Variants in RPS6KA2 observed in about 807,000 individuals in gnomAD.
The protein encoded by RPS6KA2 is ribosomal protein S6 kinase alpha-2.
Under a neutral mutation model 91.8 loss-of-function variants are expected in RPS6KA2, and 42 were observed. The observed-to-expected ratio is 0.46, with a 90% confidence interval of 0.36 to 0.59. RPS6KA2 has a LOEUF of 0.59. Among genes scored for constraint, RPS6KA2 ranks in the 20% least tolerant of loss-of-function variants. RPS6KA2 has a pLI of 0.00. For synonymous variants in RPS6KA2, 414 were observed against 393.6 expected (o/e 1.05, Z -0.61); for missense variants, 798 against 978.5 (o/e 0.82, Z 2.46).
At chr6:166,605,891 G>A (rs1785936537) in intron 1 of RPS6KA2, among the ~76,000 whole-genome samples, 1 of 152,224 alleles carries the variant, frequency 6.6e-6, no homozygotes, top group Admixed American at 6.5e-5. Flanking sequence ...CAGAGGCGCA[G>A]CAACCAAAAT....
At chr6:166,754,873 G>A (rs993161787) in intron 2 of RPS6KA2, among the ~76,000 whole-genome samples, 5 of 152,162 alleles carry the variant, frequency 3.3e-5, no homozygotes, top group Non-Finnish European at 5.9e-5. Context: ...TGCCCAGGGC[G>A]GCGGGTTCAG....
chr6:166,473,993 C>T (rs1780867115), intron 10 of RPS6KA2, among the ~76,000 whole-genome samples: 1 of 125,202 alleles, frequency 8.0e-6, no homozygotes, highest in Non-Finnish European at 1.6e-5. Context: ...TTCATGTTTA[C>T]ACCCTTTGTC....
Position 166,627,229 on chromosome 6 carries a change from CCTT to C in RPS6KA2, c.-213_-211del. 1 of 1,024,278 alleles carries C rather than the reference CCTT, an allele frequency of 9.8e-7. No homozygotes were observed. The highest frequency in any genetic ancestry group is 1.2e-6 in the Non-Finnish European group (1 of 856,186). The allele number at this position is 1,024,278 out of a possible 1,614,324, so 63.4% of individuals were successfully genotyped here. ...GGGGCCACAATCGCTCCCTCCGCCT[CCTT>C]CTCCGCCTCCCCTGCGAGTACCAGC... is the stretch of plus-strand genomic sequence containing the variant. On this transcript the variant is annotated 5_prime_UTR_variant, in exon 1 of 21. Transcript: ENST00000265678.
rs1052581226 is a variant in RPS6KA2, at chr6:166,767,271, C to G, written c.123+90929G>C. ...AAAAGCAAAATACAACTGCGACTAC[C>G]GTCTCACACGCTTCAGCTTGCAAGG... is the stretch of plus-strand genomic sequence containing the variant. On this transcript the variant is annotated intron_variant, in intron 2 of 21. Coordinates refer to the RPS6KA2 transcript ENST00000503859. The surrounding 1 kb of genome is among the most constrained non-coding windows in gnomAD (Gnocchi z 4.6). Among the ~76,000 whole-genome samples, 1 of 152,180 alleles carries G rather than the reference C, an allele frequency of 6.6e-6. No individual in the cohort carries two copies. Among genetic ancestry groups the G allele is most frequent in the Admixed American group, 6.5e-5 (1 of 15,282 alleles).
chr6:166,647,847 C>T, intron 2 of RPS6KA2, among the ~76,000 whole-genome samples: 1 of 125,466 alleles, frequency 8.0e-6, no homozygotes, highest in East Asian at 2.6e-4. Context: ...CACACACGCA[C>T]ACGCACATGC....
At position 166,508,106 on chromosome 6, in the gene RPS6KA2, C is replaced by T. The variant is rs1306530872; in HGVS notation, c.459+97G>A. 13 of 744,844 alleles carry T rather than the reference C, an allele frequency of 1.7e-5. No individual in the cohort carries two copies. Among genetic ancestry groups the T allele is most frequent in the East Asian group, 2.5e-5 (1 of 39,342 alleles). The allele number at this position is 744,844 out of a possible 1,614,324, so 46.1% of individuals were successfully genotyped here. On this transcript the variant is annotated intron_variant, in intron 5 of 20. Coordinates refer to ENST00000265678, the MANE Select transcript of RPS6KA2 (RefSeq NM_021135.6). This position sits in a 1 kb window ranked among gnomAD's most constrained non-coding sequence, Gnocchi z 4.3. The stretch of plus-strand genomic sequence containing the variant: ...CCACACACACACACGCACTCTCGCA[C>T]GTGCTCACGTCCTCTCAATGCTCTC...
At chr6:166,517,516 C>T (rs1001866278) in intron 3 of RPS6KA2, among the ~76,000 whole-genome samples, 8 of 139,552 alleles carry the variant, frequency 5.7e-5, no homozygotes, top group Non-Finnish European at 6.0e-5. Context: ...TCGCCCAGGC[C>T]GGACTGCGGA....
Position 166,641,719 on chromosome 6 carries a change from CAAAAAAAAAAAAAAAAAAAAAAAAAA to C in RPS6KA2, c.124-102961_124-102936del, listed in dbSNP as rs71032871. 7.0e-3 allele frequency among the ~76,000 whole-genome samples: 199 copies of C among 28,556 alleles called. 4 individuals are homozygous for C. Among genetic ancestry groups the C allele is most frequent in the Middle Eastern group, 0.028 (1 of 36 alleles). 18.7% of individuals were successfully genotyped at this position (28,556 alleles called of 152,430 possible). On this transcript the variant is annotated intron_variant, in intron 2 of 21. Transcript: ENST00000503859. ...TGGGTAAAAGAGTGAGACTCTGTCA[CAAAAAAAAAAAAAAAAAAAAAAAAAA>C]AAAAAAAAAAAAAAAAAAATTCAAT...
intron 8 of RPS6KA2, among the ~76,000 whole-genome samples, chr6:166,492,026 G>A (rs1781603044): frequency 6.6e-6 from 1 of 152,166 alleles, no homozygotes; most frequent in Admixed American, 6.5e-5. Context: ...AAGTACTACT[G>A]AAATGTGCAC....
chr6:166,676,224 G>A (rs1345371519), intron 2 of RPS6KA2, among the ~76,000 whole-genome samples: 4 of 151,830 alleles, frequency 2.6e-5, no homozygotes, highest in African/African-American at 9.7e-5. Context: ...GGCTGAGGCA[G>A]GAGAATCACT....
chr6:166,727,319 A>ACAC (rs1790367734), intron 2 of RPS6KA2, among the ~76,000 whole-genome samples: 1 of 146,536 alleles, frequency 6.8e-6, no homozygotes, highest in African/African-American at 2.5e-5. Flanking sequence ...TAAACAAACA[A>ACAC]ACACACACAC....
At chr6:166,777,691 A>C (rs1778661728) in intron 2 of RPS6KA2, among the ~76,000 whole-genome samples, 1 of 152,246 alleles carries the variant, frequency 6.6e-6, no homozygotes. Context: ...GATAGTATAA[A>C]TCTCTACAGA....
At chr6:166,657,977 C>T (rs1026374416) in intron 2 of RPS6KA2, among the ~76,000 whole-genome samples, 5 of 152,134 alleles carry the variant, frequency 3.3e-5, no homozygotes, top group East Asian at 3.9e-4. Flanking sequence ...TCCACCTCCC[C>T]GGTTCAAGCG....
chr6:166,568,905 G>A (rs1784589367), intron 1 of RPS6KA2, among the ~76,000 whole-genome samples: 1 of 152,164 alleles, frequency 6.6e-6, no homozygotes. Context: ...GAAAATCTGG[G>A]TATCAATCTA....
chr6:166,531,727 C>T (rs372808584), intron 2 of RPS6KA2, among the ~76,000 whole-genome samples: 159 of 152,140 alleles, frequency 1.0e-3, no homozygotes, highest in African/African-American at 3.4e-3. Flanking sequence ...AGGCTCTATC[C>T]GATTTTCAAG....
chr6:166,859,826 C>G (rs1307623201), intron 1 of RPS6KA2, among the ~76,000 whole-genome samples: 1 of 152,158 alleles, frequency 6.6e-6, no homozygotes, highest in Non-Finnish European at 1.5e-5. Context: ...CCCTGGAAAT[C>G]CAATCATCAG....
intron 8 of RPS6KA2, among the ~76,000 whole-genome samples, chr6:166,491,421 ACT>A (rs1781583889): frequency 6.6e-6 from 1 of 152,082 alleles, no homozygotes; most frequent in South Asian, 2.1e-4. Flanking sequence ...GATTACACAC[ACT>A]CTGGAAGCAG....
rs184119176 is a variant in RPS6KA2 at position 166,442,621 on chromosome 6, G to C, written c.1332+6103C>G. ...TTCTATCTAACGCCTGCAGCTCCTG[G>C]TCTCAGGAACTTCAGTTCTCGGGCA... On this transcript the variant is annotated intron_variant, in intron 14 of 20. Coordinates refer to ENST00000265678, the MANE Select transcript of RPS6KA2 (RefSeq NM_021135.6). Among the ~76,000 whole-genome samples the C allele has an allele frequency of 2.0e-5, 3 of 152,248 alleles. No homozygotes were observed. In the East Asian group the frequency reaches 5.8e-4, roughly 29 times the overall value.
chr6:166,612,014 T>C lies in RPS6KA2; in HGVS notation c.99+14907A>G, dbSNP rs767672256. 1.3e-5 allele frequency among the ~76,000 whole-genome samples: 2 copies of C among 152,208 alleles called. No individual in the cohort carries two copies. The highest frequency in any genetic ancestry group is 2.9e-5 in the Non-Finnish European group (2 of 68,028). On this transcript the variant is annotated intron_variant, in intron 1 of 20. Transcript: ENST00000265678. This position sits in a 1 kb window ranked among gnomAD's most constrained non-coding sequence, Gnocchi z 4.3. ...GTAGGCTTGGCTTTCTCCAACTGCC[T>C]CATCCTCTAATTGCACAGAAGAAAT...
Sources: allele counts gnomAD v4.1 joint callset (sites outside exome capture counted in the v4.1 genomes callset), GRCh38; gene constraint gnomAD v4.1.1; non-coding constraint Gnocchi (gnomAD v3.1); transcripts MANE v1.5; gene names NCBI Gene and HGNC (gene_info 2026-07-23, HGNC 2026-07-21).